Variants in HEG1 observed in about 807,000 individuals in gnomAD.
HEG1 encodes protein HEG homolog 1.
Under a neutral mutation model 125.6 loss-of-function variants are expected in HEG1, and 56 were observed. The observed-to-expected ratio is 0.45, with a 90% CI of 0.36 to 0.56. The LOEUF (loss-of-function observed/expected upper bound fraction) is 0.56. Ranked by LOEUF, HEG1 falls within the 20% of genes least tolerant of loss-of-function variation. The probability of loss-of-function intolerance (pLI) is 0.00; values close to 1 mark genes in which losing one functional copy is unlikely to be tolerated. For missense variants in HEG1, 1,523 were observed against 1,670.0 expected (o/e 0.91, Z 1.53); for synonymous variants, 644 against 668.5 (o/e 0.96, Z 0.57).
Position 125,019,611 on chromosome 3 carries a change from T to G in HEG1, c.1253-14A>C. On this transcript the variant is annotated splice_polypyrimidine_tract_variant and intron_variant, in intron 4 of 16. Transcript: ENST00000311127. The stretch of plus-strand genomic sequence containing the variant: ...GTTCTCCAAAGGCTGTAAGGTAATA[T>G]AGGAAAAAAAGGCCATTACATAGGT... 6.3e-7 allele frequency: 1 copy of G among 1,588,142 alleles called. No homozygotes were observed. Among genetic ancestry groups the G allele is most frequent in the Non-Finnish European group, 8.6e-7 (1 of 1,160,970 alleles).
intron 10 of HEG1, 99 bp downstream of exon 10, chr3:125,002,158 C>T (rs1268492873): frequency 2.7e-6 from 4 of 1,504,072 alleles, no homozygotes; most frequent in Non-Finnish European, 3.7e-6. Flanking sequence ...TGCCCCATGG[C>T]TGGGTGAAAA....
At chr3:125,003,689 A>G (rs532724274) in intron 9 of HEG1, among the ~76,000 whole-genome samples, 1 of 152,234 alleles carries the variant, frequency 6.6e-6, no homozygotes, top group East Asian at 1.9e-4. Flanking sequence ...CCACATGACA[A>G]AGCCCCAGTC....
At chr3:125,025,578 G>A (rs1937404580) in intron 3 of HEG1, among the ~76,000 whole-genome samples, 3 of 152,214 alleles carry the variant, frequency 2.0e-5, no homozygotes, top group Admixed American at 2.0e-4. Context: ...AAAATATATA[G>A]GTGAATATAG....
At chr3:125,023,829 G>T (rs1051746925) in intron 3 of HEG1, among the ~76,000 whole-genome samples, 6 of 152,322 alleles carry the variant, frequency 3.9e-5, no homozygotes, top group Non-Finnish European at 7.3e-5. Context: ...ATGGGAGGTT[G>T]CAAGAATGCC....
At chr3:125,010,587 A>C (rs760710885) in intron 6 of HEG1, 32 bp from the exon 7 acceptor site, 1 of 1,294,370 alleles carries the variant, frequency 7.7e-7, no homozygotes, top group South Asian at 1.4e-5. Context: ...AAAGCAGTTA[A>C]CCACACAGGA....
At position 125,034,363 on chromosome 3, in the gene HEG1, T is replaced by A. The variant is rs576077043; in HGVS notation, c.317-4875A>T. 1.1e-3 allele frequency among the ~76,000 whole-genome samples: 173 copies of A among 152,076 alleles called. 2 individuals carry two copies. The highest frequency in any genetic ancestry group is 1.4e-3 in the East Asian group (7 of 5,178). On this transcript the variant is annotated intron_variant, in intron 1 of 16. Transcript: ENST00000311127. ...GTATACAAAATTACATTAGAAAAAA[T>A]TTTTTTAAAAAGAGACTATAAATAA...
intron 8 of HEG1, among the ~76,000 whole-genome samples, chr3:125,008,015 T>C (rs936135826): frequency 1.3e-5 from 2 of 151,978 alleles, no homozygotes; most frequent in Admixed American, 6.6e-5. Context: ...GTTCAAGCAA[T>C]TCTCATGCCT....
chr3:125,021,405 T>A (rs1396576485), intron 3 of HEG1, among the ~76,000 whole-genome samples: 2 of 152,176 alleles, frequency 1.3e-5, no homozygotes, highest in Non-Finnish European at 2.9e-5. Context: ...GCATTATTTG[T>A]TTTTTAAAGA....
rs1284743287 is a variant in HEG1, at chr3:125,013,946, G to C, written c.1633C>G (p.Gln545Glu). ...TCTGTGTGGTCGCTGGAAGTCCTTT[G>C]TTCAATAGCTGTGCCACGCACTTGA... is the stretch of plus-strand genomic sequence containing the variant. Reference protein sequence around the residue: ...YGQVRGTAIEQRTSSDHTDHT... With the variant: ...YGQVRGTAIEERTSSDHTDHT... Residue 545 changes from glutamine (Q) to glutamate (E), a missense_variant, in exon 6 of 17, where the codon CAA (glutamine) becomes GAA (glutamate). Physicochemically the swap from Gln to Glu is conservative, Grantham distance 29 (BLOSUM62 2). Transcript: ENST00000311127. 6 of 1,612,294 alleles carry C rather than the reference G, an allele frequency of 3.7e-6. No homozygotes were observed. The highest frequency in any genetic ancestry group is 4.2e-6 in the Non-Finnish European group (5 of 1,179,482).
At chr3:125,031,626 G>A (rs1197669387) in intron 1 of HEG1, among the ~76,000 whole-genome samples, 3 of 151,652 alleles carry the variant, frequency 2.0e-5, no homozygotes, top group Admixed American at 1.3e-4. Flanking sequence ...GAGGCTGCAG[G>A]TAGAACCTAC....
In HEG1 at chr3:125,035,541, G is replaced by A. The variant is rs143984902; in HGVS notation, c.317-6053C>T. On this transcript the variant is annotated intron_variant, in intron 1 of 16. Coordinates refer to ENST00000311127, the MANE Select transcript of HEG1 (RefSeq NM_020733.2). ...CGTGCTGAGAGAGAAAACTATAATC[G>A]TATATTCGGCAAAGCTATCTTTGAG... Among the ~76,000 whole-genome samples, 37 of 152,184 alleles carry A rather than the reference G, an allele frequency of 2.4e-4. 1 individual carries two copies. The highest frequency in any genetic ancestry group is 1.5e-4 in the Non-Finnish European group (10 of 67,998).
At chr3:125,044,746 C>A (rs955416864) in intron 1 of HEG1, among the ~76,000 whole-genome samples, 3 of 152,124 alleles carry the variant, frequency 2.0e-5, no homozygotes, top group Non-Finnish European at 2.9e-5. Context: ...TAAGACTGAG[C>A]GCTCCAGAGA....
chr3:124,990,316 T>A (rs1936811157), intron 14 of HEG1, among the ~76,000 whole-genome samples: 1 of 150,754 alleles, frequency 6.6e-6, no homozygotes, highest in Non-Finnish European at 1.5e-5. Context: ...TCTTTCTCTT[T>A]GTTTTTTTTG....
intron 1 of HEG1, among the ~76,000 whole-genome samples, chr3:125,054,191 T>C (rs180974119): frequency 6.6e-6 from 1 of 152,370 alleles, no homozygotes; most frequent in Admixed American, 6.5e-5. Context: ...TTCCTTCCCG[T>C]GGAAGTTAGC....
At chr3:125,016,523 C>A (rs1354558216) in intron 5 of HEG1, among the ~76,000 whole-genome samples, 38 of 152,144 alleles carry the variant, frequency 2.5e-4, no homozygotes, top group Non-Finnish European at 2.9e-5. Flanking sequence ...AGGTAGAAGT[C>A]CTGACCCCCA....
chr3:125,029,188 A>C lies in HEG1; in HGVS notation c.610+7T>G. 6.2e-7 allele frequency: 1 copy of C among 1,609,514 alleles called. No homozygotes were observed. Among genetic ancestry groups the C allele is most frequent in the Non-Finnish European group, 8.5e-7 (1 of 1,177,966 alleles). ...GCGTGAAATGCGCATCATCAGCACA[A>C]GCTCACCTAAGTTGCCACTCTGGGA... On this transcript the variant is annotated splice_region_variant and intron_variant, in intron 2 of 16. Coordinates refer to ENST00000311127, the MANE Select transcript of HEG1 (RefSeq NM_020733.2).
intron 10 of HEG1, 61 bp from the exon 11 acceptor site, chr3:125,002,073 T>C: frequency 6.3e-7 from 1 of 1,595,628 alleles, no homozygotes; most frequent in Non-Finnish European, 8.6e-7. Context: ...CCCAAGGCTT[T>C]TGGAAATGAA....
At chr3:125,055,485 G>C (rs1937913008) in intron 1 of HEG1, 90 bp downstream of exon 1, 1 of 906,210 alleles carries the variant, frequency 1.1e-6, no homozygotes, top group Non-Finnish European at 1.4e-6. Flanking sequence ...CGCGCCGCGC[G>C]GAGGGGCCTA....
At chr3:125,024,682 G>C (rs1240288718) in intron 3 of HEG1, among the ~76,000 whole-genome samples, 1 of 152,230 alleles carries the variant, frequency 6.6e-6, no homozygotes, top group Non-Finnish European at 1.5e-5. Context: ...TTGGAAGCAG[G>C]TAACTCCTGA....
Sources: gnomAD v4.1 joint callset for allele counts (sites outside exome capture counted in the v4.1 genomes callset) on GRCh38, gnomAD v4.1.1 for gene constraint, MANE v1.5 for transcripts, NCBI Gene and HGNC (gene_info 2026-07-23, HGNC 2026-07-21) for gene names.